The following OPCML variants were observed in gnomAD, a reference collection of about 807,000 sequenced individuals.
OPCML encodes the protein opioid-binding protein/cell adhesion molecule.
Under a neutral mutation model 37.8 loss-of-function variants are expected in OPCML, and 13 were observed. That is an observed-to-expected ratio of 0.34 (90% confidence interval 0.22 to 0.55). The LOEUF (loss-of-function observed/expected upper bound fraction) is 0.55. Ranked by LOEUF, OPCML falls within the 20% of genes least tolerant of loss-of-function variation. OPCML has a pLI of 0.91. For synonymous variants in OPCML, 176 were observed against 168.8 expected (o/e 1.04, Z -0.33); for missense variants, 341 against 435.6 (o/e 0.78, Z 1.93).
At chr11:132,886,169 C>T (rs1345762619) in intron 2 of OPCML, among the ~76,000 whole-genome samples, 7 of 152,196 alleles carry the variant, frequency 4.6e-5, no homozygotes, top group Non-Finnish European at 7.3e-5. Context: ...AATTAACTTA[C>T]TATAAAACTA....
intron 2 of OPCML, among the ~76,000 whole-genome samples, chr11:132,924,211 A>G (rs1944912814): frequency 6.6e-6 from 1 of 152,130 alleles, no homozygotes; most frequent in South Asian, 2.1e-4. Context: ...TGATTACTAA[A>G]GAGTCAGCTA....
chr11:133,007,861 A>G (rs1341188016), intron 1 of OPCML: 30 of 985,354 alleles, frequency 3.0e-5, no homozygotes, highest in Non-Finnish European at 3.6e-5. Context: ...TTTTAGAACA[A>G]AAGATTGTGG....
intron 2 of OPCML, among the ~76,000 whole-genome samples, chr11:132,776,088 C>G (rs1341971831): frequency 6.6e-6 from 1 of 152,102 alleles, no homozygotes; most frequent in African/African-American, 2.4e-5. Flanking sequence ...CCTCACCATG[C>G]CTGGCTAAGT....
chr11:133,037,266 T>C (rs539467802), intron 1 of OPCML, among the ~76,000 whole-genome samples: 3 of 152,318 alleles, frequency 2.0e-5, no homozygotes, highest in African/African-American at 4.8e-5. Flanking sequence ...TTCTGGGAAG[T>C]AATCTCAATA....
intron 2 of OPCML, among the ~76,000 whole-genome samples, chr11:132,820,331 C>G (rs1035114328): frequency 1.3e-5 from 2 of 152,098 alleles, no homozygotes; most frequent in African/African-American, 2.4e-5. Context: ...ATTTATTATT[C>G]CATATGTAGG....
chr11:132,526,606 A>G (rs1467330407), intron 4 of OPCML, among the ~76,000 whole-genome samples: 1 of 152,178 alleles, frequency 6.6e-6, no homozygotes, highest in African/African-American at 2.4e-5. Context: ...AAAAAGCAGC[A>G]AAAGATTGAA....
intron 1 of OPCML, among the ~76,000 whole-genome samples, chr11:133,412,623 T>C (rs970890344): frequency 2.0e-5 from 3 of 152,058 alleles, no homozygotes; most frequent in African/African-American, 7.2e-5. Flanking sequence ...CTGATACAGA[T>C]GAAAAATAGT....
intron 1 of OPCML, among the ~76,000 whole-genome samples, chr11:132,955,838 G>A (rs1312036941): frequency 6.6e-5 from 10 of 152,032 alleles, no homozygotes; most frequent in African/African-American, 1.9e-4. Flanking sequence ...AGCCGAGATC[G>A]CACCATTGCA....
At chr11:132,506,150 C>T (rs1207035792) in intron 4 of OPCML, among the ~76,000 whole-genome samples, 1 of 152,088 alleles carries the variant, frequency 6.6e-6, no homozygotes, top group African/African-American at 2.4e-5. Flanking sequence ...AAGATTGTGA[C>T]CTTTGGATTT....
chr11:132,474,085 G>A lies in OPCML; in HGVS notation c.506-36726C>T, dbSNP rs148969659. On this transcript the variant is annotated intron_variant, in intron 4 of 7. Transcript: ENST00000524381. Reference sequence around the variant, plus strand: ...TCAGCTGATGGAGAGGAGCCTGCTCGGGCCTGTGGGAGGGGACGACTGGCC... The same window carrying A: ...TCAGCTGATGGAGAGGAGCCTGCTCAGGCCTGTGGGAGGGGACGACTGGCC... 5.4e-3 allele frequency among the ~76,000 whole-genome samples: 825 copies of A among 152,174 alleles called. 2 individuals carry two copies. The highest frequency in any genetic ancestry group is 0.018 in the African/African-American group (768 of 41,516).
At chr11:132,632,590 C>A (rs746674444) in intron 3 of OPCML, among the ~76,000 whole-genome samples, 3 of 152,028 alleles carry the variant, frequency 2.0e-5, no homozygotes, top group Non-Finnish European at 4.4e-5. Flanking sequence ...ACAATGTCGC[C>A]GCAGAGGAGT....
intron 1 of OPCML, among the ~76,000 whole-genome samples, chr11:133,137,933 C>T (rs554721733): frequency 1.1e-3 from 163 of 152,086 alleles, no homozygotes; most frequent in Non-Finnish European, 1.6e-3. Flanking sequence ...AATACAGGTT[C>T]CTTTTTCAAG....
intron 1 of OPCML, among the ~76,000 whole-genome samples, chr11:133,135,738 G>T (rs985907380): frequency 6.6e-6 from 1 of 152,180 alleles, no homozygotes; most frequent in African/African-American, 2.4e-5. Flanking sequence ...GAGTGTCTAT[G>T]TGCAGGATCC....
At chr11:133,363,688 C>A (rs1179956987) in intron 1 of OPCML, among the ~76,000 whole-genome samples, 2 of 152,130 alleles carry the variant, frequency 1.3e-5, no homozygotes, top group South Asian at 2.1e-4. Flanking sequence ...GGAGGTATGG[C>A]AGGGCCAAAG....
At chr11:132,694,068 T>TAAA (rs917635585) in intron 2 of OPCML, among the ~76,000 whole-genome samples, 2 of 151,506 alleles carry the variant, frequency 1.3e-5, no homozygotes, top group African/African-American at 4.8e-5. Flanking sequence ...ATGTTCTTCC[T>TAAA]AAAACCTCTC....
intron 1 of OPCML, among the ~76,000 whole-genome samples, chr11:133,461,002 T>C (rs1946845683): frequency 6.6e-6 from 1 of 151,896 alleles, no homozygotes. Context: ...ATCATTTCAT[T>C]TGAGTCAGAA....
At chr11:132,574,248 T>C (rs1222414639) in intron 3 of OPCML, among the ~76,000 whole-genome samples, 1 of 150,996 alleles carries the variant, frequency 6.6e-6, no homozygotes, top group Admixed American at 6.6e-5. Context: ...CTTTGTGTTT[T>C]TTTTTTTTTG....
chr11:133,190,905 T>C (rs1309212523), intron 1 of OPCML, among the ~76,000 whole-genome samples: 1 of 152,218 alleles, frequency 6.6e-6, no homozygotes, highest in African/African-American at 2.4e-5. Flanking sequence ...ATAAGGTATA[T>C]GTTTGTTTCT....
At chr11:133,013,514 T>TA (rs1947261569) in intron 1 of OPCML, among the ~76,000 whole-genome samples, 1 of 152,242 alleles carries the variant, frequency 6.6e-6, no homozygotes, top group Non-Finnish European at 1.5e-5. Flanking sequence ...ATCATAAGCA[T>TA]AATGGTCCAC....
Sources: gnomAD v4.1 joint callset for allele counts (sites outside exome capture counted in the v4.1 genomes callset) on GRCh38, gnomAD v4.1.1 for gene constraint, MANE v1.5 for transcripts, NCBI Gene and HGNC (gene_info 2026-07-23, HGNC 2026-07-21) for gene names.